COL25A1: variants seen among roughly 807,000 people sequenced by gnomAD.
COL25A1 encodes collagen type XXV alpha 1 chain, also known as collagen alpha-1(XXV) chain.
COL25A1 carries 103 observed loss-of-function variants against 128.4 expected under a neutral mutation model. That is an observed-to-expected ratio of 0.80 (90% confidence interval 0.68 to 0.94). The LOEUF (loss-of-function observed/expected upper bound fraction) is 0.94, where lower values mean the gene tolerates loss of function less well. Ranked by LOEUF, COL25A1 falls within the 40% of genes least tolerant of loss-of-function variation. The pLI is 0.00. For synonymous variants in COL25A1, 279 were observed against 277.2 expected (o/e 1.01, Z -0.06); for missense variants, 745 against 840.0 (o/e 0.89, Z 1.40).
intron 6 of COL25A1, among the ~76,000 whole-genome samples, chr4:109,006,656 T>G (rs578159987): frequency 6.6e-6 from 1 of 152,248 alleles, no homozygotes; most frequent in South Asian, 2.1e-4. Flanking sequence ...AAAAGTAGGC[T>G]CATAGTAAGG....
chr4:109,197,516 A>AT (rs1776221599), intron 3 of COL25A1, among the ~76,000 whole-genome samples: 1 of 133,760 alleles, frequency 7.5e-6, no homozygotes, highest in African/African-American at 2.8e-5. Flanking sequence ...TATAATATTT[A>AT]TATATAATAT....
At chr4:108,911,422 A>G (rs1744201405) in intron 13 of COL25A1, among the ~76,000 whole-genome samples, 1 of 135,226 alleles carries the variant, frequency 7.4e-6, no homozygotes, top group African/African-American at 2.5e-5. Flanking sequence ...AATACTTCGC[A>G]ATACTCTATA....
At chr4:109,259,816 A>G (rs1578572561) in intron 3 of COL25A1, among the ~76,000 whole-genome samples, 1 of 152,210 alleles carries the variant, frequency 6.6e-6, no homozygotes, top group Non-Finnish European at 1.5e-5. Flanking sequence ...TCTGGCATCT[A>G]TACCTTCCTC....
intron 19 of COL25A1, among the ~76,000 whole-genome samples, chr4:108,881,752 C>T (rs545630484): frequency 1.3e-5 from 2 of 152,296 alleles, no homozygotes; most frequent in Admixed American, 1.3e-4. Flanking sequence ...TGTGACGTAT[C>T]TTTAAATTGT....
chr4:109,239,394 G>GTGTATA (rs1491198097), intron 3 of COL25A1, among the ~76,000 whole-genome samples: 2 of 116,550 alleles, frequency 1.7e-5, no homozygotes, highest in African/African-American at 7.5e-5. Flanking sequence ...GTGTGTGTGT[G>GTGTATA]TATATATATA....
intron 19 of COL25A1, among the ~76,000 whole-genome samples, chr4:108,871,179 CT>C (rs1240518292): frequency 2.6e-5 from 4 of 151,744 alleles, no homozygotes; most frequent in South Asian, 2.1e-4. Flanking sequence ...ATGGAAAGTT[CT>C]TTTTTTTATG....
At chr4:109,048,274 T>C in intron 4 of COL25A1, 99 bp from the exon 5 acceptor site, 1 of 1,186,034 alleles carries the variant, frequency 8.4e-7, no homozygotes, top group Middle Eastern at 2.0e-4. Context: ...ATCATCAGCA[T>C]GACATAATAG....
chr4:109,229,502 G>A (rs917540187), intron 3 of COL25A1, among the ~76,000 whole-genome samples: 2 of 152,120 alleles, frequency 1.3e-5, no homozygotes, highest in Non-Finnish European at 2.9e-5. Context: ...CTTGAACAAA[G>A]CCTACCTCAC....
intron 3 of COL25A1, among the ~76,000 whole-genome samples, chr4:109,163,721 C>A (rs1443722936): frequency 6.6e-6 from 1 of 152,220 alleles, no homozygotes; most frequent in Non-Finnish European, 1.5e-5. Flanking sequence ...TCTTGAACTA[C>A]TCCCAATTCC....
At chr4:108,909,081 G>A (rs1743899537) in intron 13 of COL25A1, among the ~76,000 whole-genome samples, 1 of 152,188 alleles carries the variant, frequency 6.6e-6, no homozygotes, top group African/African-American at 2.4e-5. Context: ...TCCGTACTTG[G>A]TGGCTGGTGG....
chr4:109,183,703 A>T (rs1253584547), intron 3 of COL25A1, among the ~76,000 whole-genome samples: 1 of 152,168 alleles, frequency 6.6e-6, no homozygotes, highest in Non-Finnish European at 1.5e-5. Context: ...CTTTATCATT[A>T]GAAATAAATG....
chr4:109,157,937 C>T (rs1440020727), intron 3 of COL25A1, among the ~76,000 whole-genome samples: 1 of 152,208 alleles, frequency 6.6e-6, no homozygotes, highest in Non-Finnish European at 1.5e-5. Flanking sequence ...ACGGGCATAA[C>T]TGGCATGCCA....
chr4:108,809,449 A>G lies in COL25A1; in HGVS notation c.*4478T>C, dbSNP rs1367668768. ...TCCAATTCGTTAATATTTCTGAGAT[A>G]GGTAAGAATATCAACTACATTTTGA... On this transcript the variant is annotated 3_prime_UTR_variant, in exon 38 of 38. Transcript: ENST00000399132. 1 of 152,124 alleles carries G rather than the reference A, an allele frequency of 6.6e-6. No individual in the cohort carries two copies. Among genetic ancestry groups the G allele is most frequent in the Non-Finnish European group, 1.5e-5 (1 of 67,954 alleles). The allele number at this position is 152,124 out of a possible 1,614,324, so 9.4% of individuals were successfully genotyped here.
intron 6 of COL25A1, among the ~76,000 whole-genome samples, chr4:109,003,210 T>C (rs950170127): frequency 1.3e-5 from 2 of 152,226 alleles, no homozygotes; most frequent in Non-Finnish European, 2.9e-5. Flanking sequence ...TTTTGCAATC[T>C]ATCCATCTGA....
At chr4:109,174,721 G>A (rs932690485) in intron 3 of COL25A1, among the ~76,000 whole-genome samples, 1 of 152,136 alleles carries the variant, frequency 6.6e-6, no homozygotes, top group Non-Finnish European at 1.5e-5. Flanking sequence ...TCATCAGTGG[G>A]GTAAAAGGAA....
chr4:109,281,252 T>G (rs182630043), intron 3 of COL25A1, among the ~76,000 whole-genome samples: 52 of 152,300 alleles, frequency 3.4e-4, no homozygotes, highest in African/African-American at 1.2e-3. Context: ...AGGGAATTGC[T>G]TAACTTTTCT....
chr4:109,208,221 C>T (rs986214079), intron 3 of COL25A1, among the ~76,000 whole-genome samples: 1 of 152,168 alleles, frequency 6.6e-6, no homozygotes, highest in African/African-American at 2.4e-5. Flanking sequence ...ACTACTTTGA[C>T]TTAAGGAATG....
intron 3 of COL25A1, among the ~76,000 whole-genome samples, chr4:109,180,225 A>G (rs1250087987): frequency 1.3e-5 from 2 of 152,192 alleles, no homozygotes; most frequent in Non-Finnish European, 1.5e-5. Flanking sequence ...TGACCATAAC[A>G]TAAGACCTTT....
chr4:108,945,781 A>G (rs548752315), intron 8 of COL25A1, among the ~76,000 whole-genome samples: 24 of 152,222 alleles, frequency 1.6e-4, no homozygotes, highest in African/African-American at 5.8e-4. Context: ...CTCCTGCCTC[A>G]GCCTCCCCAG....
Sources: gnomAD v4.1 joint callset for allele counts (sites outside exome capture counted in the v4.1 genomes callset) on GRCh38, gnomAD v4.1.1 for gene constraint, MANE v1.5 for transcripts, NCBI Gene and HGNC (gene_info 2026-07-23, HGNC 2026-07-21) for gene names.